IRAK2: variants seen among roughly 807,000 people sequenced by gnomAD.
The protein encoded by IRAK2 is interleukin 1 receptor associated kinase 2, also known as interleukin-1 receptor-associated kinase-like 2.
In IRAK2, 57 loss-of-function variants were observed where a neutral mutation model predicts 72.0. The ratio of observed to expected loss-of-function variants is 0.79; its 90% CI spans 0.64 to 0.99. IRAK2 has a LOEUF of 0.99. IRAK2 is among the 50% of genes least tolerant of loss of function. The pLI, the probability that IRAK2 is intolerant of heterozygous loss-of-function variation, is 0.00. For missense variants in IRAK2, 790 were observed against 794.4 expected (o/e 0.99, Z 0.07); for synonymous variants, 293 against 312.7 (o/e 0.94, Z 0.67).
chr3:10,223,764 A>C (rs1278633849), intron 9 of IRAK2, among the ~76,000 whole-genome samples: 1 of 152,214 alleles, frequency 6.6e-6, no homozygotes, highest in Non-Finnish European at 1.5e-5. Context: ...GAAGAGTAAC[A>C]GTCAGGTTGG....
At chr3:10,210,021 G>A (rs1697494833) in intron 4 of IRAK2, among the ~76,000 whole-genome samples, 1 of 152,172 alleles carries the variant, frequency 6.6e-6, no homozygotes, top group Admixed American at 6.5e-5. Context: ...CCGGGTTCAA[G>A]TGATTCTCCT....
At chr3:10,185,747 A>T (rs770862861) in intron 2 of IRAK2, among the ~76,000 whole-genome samples, 3 of 151,356 alleles carry the variant, frequency 2.0e-5, no homozygotes, top group Non-Finnish European at 4.4e-5. Context: ...GTGGTGGCTC[A>T]GGCCTGTGAT....
chr3:10,196,908 G>A (rs1697276194), intron 2 of IRAK2, among the ~76,000 whole-genome samples: 1 of 152,128 alleles, frequency 6.6e-6, no homozygotes, highest in Admixed American at 6.5e-5. Flanking sequence ...GAGCCAGAGG[G>A]GTCCCCAGGG....
chr3:10,201,007 A>T (rs1389173057), intron 3 of IRAK2, among the ~76,000 whole-genome samples: 1 of 152,278 alleles, frequency 6.6e-6, no homozygotes, highest in Admixed American at 6.5e-5. Context: ...ATGTACATGG[A>T]AACATACTGA....
At chr3:10,203,416 G>A (rs1000895625) in intron 3 of IRAK2, among the ~76,000 whole-genome samples, 1 of 152,206 alleles carries the variant, frequency 6.6e-6, no homozygotes, top group Non-Finnish European at 1.5e-5. Flanking sequence ...TTGAAAATAA[G>A]AAATCATTCA....
At chr3:10,220,564 TCC>T (rs1697671838) in intron 8 of IRAK2, among the ~76,000 whole-genome samples, 2 of 152,182 alleles carry the variant, frequency 1.3e-5, no homozygotes, top group Admixed American at 1.3e-4. Flanking sequence ...TGCCTTAGCC[TCC>T]TGAGTAGCTG....
intron 7 of IRAK2, among the ~76,000 whole-genome samples, chr3:10,217,380 C>T (rs559364514): frequency 6.6e-6 from 1 of 152,330 alleles, no homozygotes; most frequent in Admixed American, 6.5e-5. Context: ...AGAAGCATTT[C>T]ATTCAAATCA....
At chr3:10,175,372 C>G (rs971329096) in intron 1 of IRAK2, among the ~76,000 whole-genome samples, 1 of 152,072 alleles carries the variant, frequency 6.6e-6, no homozygotes, top group African/African-American at 2.4e-5. Flanking sequence ...GGTGATCCAC[C>G]TGCCTCAGCC....
intron 3 of IRAK2, among the ~76,000 whole-genome samples, chr3:10,201,836 A>C (rs1697365384): frequency 6.6e-6 from 1 of 152,222 alleles, no homozygotes; most frequent in African/African-American, 2.4e-5. Context: ...CCGTTTCTGA[A>C]GCCAGGGGCG....
intron 2 of IRAK2, among the ~76,000 whole-genome samples, chr3:10,191,689 C>T (rs1697178067): frequency 6.6e-6 from 1 of 152,176 alleles, no homozygotes; most frequent in African/African-American, 2.4e-5. Flanking sequence ...TGGGTGTCTG[C>T]ATATGTGGCC....
chr3:10,230,595 A>G (rs1426629965), intron 10 of IRAK2, among the ~76,000 whole-genome samples: 1 of 152,158 alleles, frequency 6.6e-6, no homozygotes, highest in Non-Finnish European at 1.5e-5. Context: ...ATTATTTGAG[A>G]TAAGGTCTCT....
intron 6 of IRAK2, among the ~76,000 whole-genome samples, chr3:10,216,496 G>C (rs1408691706): frequency 6.6e-6 from 1 of 152,128 alleles, no homozygotes; most frequent in African/African-American, 2.4e-5. Context: ...TAGTGAAAAG[G>C]GCCAGGAAAG....
chr3:10,201,114 T>C (rs1697354189), intron 3 of IRAK2, among the ~76,000 whole-genome samples: 1 of 152,208 alleles, frequency 6.6e-6, no homozygotes, highest in African/African-American at 2.4e-5. Context: ...AGCTCGGTAA[T>C]TGGAGGCTTT....
At chr3:10,204,026 A>G (rs987120802) in intron 3 of IRAK2, among the ~76,000 whole-genome samples, 3 of 152,222 alleles carry the variant, frequency 2.0e-5, no homozygotes, top group African/African-American at 7.2e-5. Context: ...AGCAGCTGAA[A>G]TAACTGTTAC....
chr3:10,203,892 G>C (rs1439147147), intron 3 of IRAK2, among the ~76,000 whole-genome samples: 1 of 152,168 alleles, frequency 6.6e-6, no homozygotes, highest in Non-Finnish European at 1.5e-5. Flanking sequence ...AAAGTGCTGG[G>C]ATTACAGGCA....
At chr3:10,240,041 G>A (rs1698027576) in intron 12 of IRAK2, among the ~76,000 whole-genome samples, 1 of 151,876 alleles carries the variant, frequency 6.6e-6, no homozygotes, top group African/African-American at 2.4e-5. Flanking sequence ...CAGCTACTTG[G>A]GAGGCTGAGG....
chr3:10,223,461 G>A (rs956536405), intron 9 of IRAK2, among the ~76,000 whole-genome samples: 2 of 152,176 alleles, frequency 1.3e-5, no homozygotes, highest in African/African-American at 4.8e-5. Context: ...AGTCTCCAAA[G>A]TATATTTCTG....
chr3:10,222,884 C>A (rs1448296732), intron 9 of IRAK2, 53 bp downstream of exon 9: 4 of 1,494,146 alleles, frequency 2.7e-6, no homozygotes, highest in South Asian at 2.3e-5. Context: ...TTGTCCTTCC[C>A]ACGGCTCCTT....
At position 10,198,186 on chromosome 3, in the gene IRAK2, G is replaced by A. The variant is rs709635; in HGVS notation, c.278-2183G>A. 8.5e-3 allele frequency among the ~76,000 whole-genome samples: 1,292 copies of A among 152,306 alleles called. 23 individuals carry two copies. The highest frequency in any genetic ancestry group is 0.029 in the African/African-American group (1,204 of 41,556). ...TGCACTCCAGCCTGGGCGACAGAGC[G>A]AGACTCCGTCTCAAAAAACAAAACA... On this transcript the variant is annotated intron_variant, in intron 2 of 12. Coordinates refer to ENST00000256458, the MANE Select transcript of IRAK2 (RefSeq NM_001570.4).
Sources: gnomAD v4.1 joint callset for allele counts (sites outside exome capture counted in the v4.1 genomes callset) on GRCh38, gnomAD v4.1.1 for gene constraint, MANE v1.5 for transcripts, NCBI Gene and HGNC (gene_info 2026-07-23, HGNC 2026-07-21) for gene names.